INTS1: variants seen among roughly 807,000 people sequenced by gnomAD.
INTS1 encodes integrator complex subunit 1.
Under a neutral mutation model 241.6 loss-of-function variants are expected in INTS1, and 137 were observed. The observed-to-expected ratio is 0.57, with a 90% confidence interval of 0.49 to 0.65. The LOEUF (loss-of-function observed/expected upper bound fraction) is 0.65, where lower values mean the gene tolerates loss of function less well. Ranked by LOEUF, INTS1 falls within the 30% of genes least tolerant of loss-of-function variation. The pLI, the probability that INTS1 is intolerant of heterozygous loss-of-function variation, is 0.00. For missense variants in INTS1, 3,073 were observed against 3,032.2 expected (o/e 1.01, Z -0.32); for synonymous variants, 1,692 against 1,337.8 (o/e 1.26, Z -5.78).
At position 1,493,157 on chromosome 7, in the gene INTS1, G is replaced by A. The variant is rs1782665937; in HGVS notation, c.2069-51C>T. 6.9e-7 allele frequency: 1 copy of A among 1,452,804 alleles called. No homozygotes were observed. The highest frequency in any genetic ancestry group is 1.1e-5 in the South Asian group (1 of 88,058). 90.0% of individuals were successfully genotyped at this position (1,452,804 alleles called of 1,614,324 possible). On this transcript the variant is annotated intron_variant, in intron 15 of 47. Transcript: ENST00000404767. This position sits in a 1 kb window ranked among gnomAD's most constrained non-coding sequence, Gnocchi z 5.3. ...TCTGGGGCTGCTCACAGACCATCAG[G>A]CACAGGCAGCGAGGGAACCGGCCCT...
At chr7:1,473,539 G>A (rs1781572042) in intron 42 of INTS1, 27 bp downstream of exon 42, 3 of 1,568,734 alleles carry the variant, frequency 1.9e-6, no homozygotes, top group East Asian at 2.4e-5. Context: ...GAGGCCCGAG[G>A]CTTCCCTGCA....
intron 30 of INTS1, 58 bp downstream of exon 30, chr7:1,480,259 A>T: frequency 1.3e-6 from 2 of 1,545,776 alleles, no homozygotes; most frequent in South Asian, 2.4e-5. Flanking sequence ...GCGGCAGCGA[A>T]GGCTGCACGC....
intron 44 of INTS1, 80 bp from the exon 45 acceptor site, chr7:1,471,721 G>T: frequency 7.3e-7 from 1 of 1,376,210 alleles, no homozygotes; most frequent in South Asian, 1.2e-5. Context: ...ACCCAGAGGG[G>T]GCAAGGCCCC....
rs374503161 is a variant in INTS1 at position 1,473,577 on chromosome 7, G to A, written c.5946C>T (p.Ala1982=). The A allele has an allele frequency of 1.2e-4, 188 of 1,596,482 alleles. 2 individuals are homozygous for A. The Middle Eastern group carries it at 3.3e-3, about 28-fold the overall frequency. ...PAAISFLQKH[A]DPLHDLSFDN... Reference sequence around the variant, plus strand: ...CCGTGGGCACTCACTGGAGCGGGTCGGCGTGCTTCTGCAGGAAGGAGATGG... The same window carrying A: ...CCGTGGGCACTCACTGGAGCGGGTCAGCGTGCTTCTGCAGGAAGGAGATGG... Residue 1982 remains alanine, a synonymous_variant, in exon 42 of 48, where the codon GCC becomes GCT. Coordinates refer to ENST00000404767, the MANE Select transcript of INTS1 (RefSeq NM_001080453.3).
chr7:1,474,469 C>T, intron 40 of INTS1, 109 bp from the exon 41 acceptor site: 1 of 1,161,562 alleles, frequency 8.6e-7, no homozygotes, highest in South Asian at 1.6e-5. Flanking sequence ...GTGCTGCCCC[C>T]CAACCACCCT....
chr7:1,498,787 T>G lies in INTS1; in HGVS notation c.1203A>C (p.Glu401Asp). The G allele has an allele frequency of 6.3e-7, 1 of 1,598,606 alleles. No homozygotes were observed. Among genetic ancestry groups the G allele is most frequent in the Non-Finnish European group, 8.5e-7 (1 of 1,173,002 alleles). The change falls in exon 9 of 48, where the codon GAA (glutamate) becomes GAC (aspartate). Residue 401 changes from glutamate to aspartate, a missense_variant. Transcript: ENST00000404767. ...VCMNCNTHGS[E>D]DMDVISHLIK... ...TCAGGTGTGAGATGACGTCCATGTC[T>G]TCGGAACCGTGCGTGTTGCAGTTCA...
At position 1,498,866 on chromosome 7, in the gene INTS1, G is replaced by A; in HGVS notation, c.1138-14C>T. On this transcript the variant is annotated splice_polypyrimidine_tract_variant and intron_variant, in intron 8 of 47. Coordinates refer to ENST00000404767, the MANE Select transcript of INTS1 (RefSeq NM_001080453.3). ...CGGCCGGGTCAGCTGCGGGGCCGAG[G>A]AGGGAGCAGTGGGCTCACGGCCACC... The A allele has an allele frequency of 3.1e-6, 5 of 1,591,846 alleles. No individual in the cohort carries two copies. The highest frequency in any genetic ancestry group is 3.4e-6 in the Non-Finnish European group (4 of 1,170,160).
chr7:1,478,655 C>A, intron 32 of INTS1, 71 bp downstream of exon 32: 1 of 1,490,356 alleles, frequency 6.7e-7, no homozygotes, highest in Admixed American at 2.1e-5. Flanking sequence ...GGGTGCCAGG[C>A]AGCTTGGCCA....
In INTS1 at chr7:1,493,219, A is replaced by C. The variant is rs1318982190; in HGVS notation, c.2069-113T>G. The C allele has an allele frequency of 1.4e-4, 58 of 428,930 alleles. No individual in the cohort carries two copies. The highest frequency in any genetic ancestry group is 5.8e-4 in the East Asian group (9 of 15,554). The allele number at this position is 428,930 out of a possible 1,614,324, so 26.6% of individuals were successfully genotyped here. ...GTCGGGGTGGGGTGGGGGATGCCGC[A>C]GGGTGGGGCGCAGGCCTGAGCAGGA... On this transcript the variant is annotated intron_variant, in intron 15 of 47. Transcript: ENST00000404767. The surrounding 1 kb of genome is among the most constrained non-coding windows in gnomAD (Gnocchi z 5.3).
chr7:1,474,374 G>A lies in INTS1; in HGVS notation c.5637-14C>T. On this transcript the variant is annotated splice_polypyrimidine_tract_variant and intron_variant, in intron 40 of 47. Transcript: ENST00000404767. The stretch of plus-strand genomic sequence containing the variant: ...ATGGGCAGGTGCCTGCGGGCGCGGT[G>A]AGGGCCCAGTCAGCCCCGGCCGGCG... 6.3e-7 allele frequency: 1 copy of A among 1,578,586 alleles called. No homozygotes were observed. Among genetic ancestry groups the A allele is most frequent in the Non-Finnish European group, 8.6e-7 (1 of 1,162,904 alleles).
Position 1,496,148 on chromosome 7 carries a change from A to G in INTS1, c.1711+8T>C, listed in dbSNP as rs1782840759. On this transcript the variant is annotated splice_region_variant and intron_variant, in intron 12 of 47. Transcript: ENST00000404767. ...CCAAGCAGGGCCAGGCCACCCCCACATCCTTACTCCTCTTTTCTCCTTTGT... is the reference window on the plus strand; with the variant it reads ...CCAAGCAGGGCCAGGCCACCCCCACGTCCTTACTCCTCTTTTCTCCTTTGT... 1.2e-6 allele frequency: 2 copies of G among 1,611,848 alleles called. No homozygotes were observed.
At chr7:1,490,523 G>A (rs1186573150) in intron 16 of INTS1, among the ~76,000 whole-genome samples, 1 of 151,948 alleles carries the variant, frequency 6.6e-6, no homozygotes, top group African/African-American at 2.4e-5. Flanking sequence ...GGATAAACGG[G>A]AACCCTTGAA....
At chr7:1,472,755 C>T (rs1400931219) in intron 43 of INTS1, among the ~76,000 whole-genome samples, 2 of 131,248 alleles carry the variant, frequency 1.5e-5, no homozygotes, top group African/African-American at 5.7e-5. Context: ...CCAGTAGGAC[C>T]AGGGGAGGCT....
chr7:1,503,859 A>G, intron 2 of INTS1, 44 bp downstream of exon 2: 4 of 1,367,484 alleles, frequency 2.9e-6, no homozygotes, highest in Non-Finnish European at 4.0e-6. Context: ...ACCCCCAAAG[A>G]CCCCCAAAGA....
rs777200554 is a variant in INTS1, at chr7:1,502,985, G to A, written c.265C>T (p.Leu89=). Residue 89 remains leucine, a synonymous_variant, in exon 3 of 48, where the codon CTG becomes TTG. Transcript: ENST00000404767. Reference sequence around the variant, plus strand: ...ACTGCAGCCTCAGCCAGGCGCCCCAGGGCACTCAGAGGGGGTGTGGAGGAG... The same window carrying A: ...ACTGCAGCCTCAGCCAGGCGCCCCAAGGCACTCAGAGGGGGTGTGGAGGAG... ...KLSSTPPLSA[L]GRLAEAAVAE... 73 of 1,613,734 alleles carry A rather than the reference G, an allele frequency of 4.5e-5. No homozygotes were observed. The South Asian group carries it at 7.8e-4, about 17-fold the overall frequency.
intron 36 of INTS1, 57 bp from the exon 37 acceptor site, chr7:1,476,714 C>G: frequency 6.2e-7 from 1 of 1,612,174 alleles, no homozygotes; most frequent in Non-Finnish European, 8.5e-7. Flanking sequence ...ATGGGAGATA[C>G]CAGTCAGAGC....
intron 45 of INTS1, 96 bp downstream of exon 45, chr7:1,471,475 G>A: frequency 7.3e-7 from 1 of 1,361,200 alleles, no homozygotes; most frequent in Non-Finnish European, 1.0e-6. Context: ...ACTCCCTGGG[G>A]CTCAGCGCGG....
At chr7:1,485,624 G>A (rs1782222994) in intron 22 of INTS1, 155 bp from the exon 23 acceptor site, 1 of 715,554 alleles carries the variant, frequency 1.4e-6, no homozygotes, top group African/African-American at 1.8e-5. Flanking sequence ...GGAAAAACGA[G>A]ACTGAGCTCT....
intron 16 of INTS1, among the ~76,000 whole-genome samples, chr7:1,492,432 C>T (rs1365241709): frequency 3.3e-5 from 5 of 152,004 alleles, no homozygotes; most frequent in African/African-American, 1.2e-4. Flanking sequence ...GCGTGGGCTG[C>T]GCTGGGAGGA....
Sources: allele counts gnomAD v4.1 joint callset (sites outside exome capture counted in the v4.1 genomes callset), GRCh38; gene constraint gnomAD v4.1.1; non-coding constraint Gnocchi (gnomAD v3.1); transcripts MANE v1.5; gene names NCBI Gene and HGNC (gene_info 2026-07-23, HGNC 2026-07-21).